NFE2L1: variants seen among roughly 807,000 people sequenced by gnomAD.
The protein encoded by NFE2L1 is NFE2 like bZIP transcription factor 1, also known as endoplasmic reticulum membrane sensor NFE2L1.
Under a neutral mutation model 61.6 loss-of-function variants are expected in NFE2L1, and 18 were observed. The observed-to-expected ratio is 0.29, with a 90% CI of 0.20 to 0.43. NFE2L1 has a LOEUF of 0.43. NFE2L1 is among the 20% of genes least tolerant of loss of function. The pLI is 1.00. For synonymous variants in NFE2L1, 419 were observed against 402.7 expected (o/e 1.04, Z -0.48); for missense variants, 827 against 973.5 (o/e 0.85, Z 2.00).
chr17:48,056,672 C>A, intron 3 of NFE2L1, 74 bp downstream of exon 3: 1 of 1,542,394 alleles, frequency 6.5e-7, no homozygotes, highest in Non-Finnish European at 8.8e-7. Context: ...GGAGTTCTTC[C>A]AGAAACTTCC....
intron 3 of NFE2L1, among the ~76,000 whole-genome samples, 176 bp downstream of exon 3, chr17:48,056,774 G>A (rs941096441): frequency 6.6e-6 from 1 of 152,224 alleles, no homozygotes; most frequent in African/African-American, 2.4e-5. Context: ...TGGAAGGGGG[G>A]AGTGGAAAGC....
At chr17:48,050,006 G>C (rs911206790) in intron 1 of NFE2L1, among the ~76,000 whole-genome samples, 8 of 152,168 alleles carry the variant, frequency 5.3e-5, no homozygotes, top group Admixed American at 4.6e-4. Flanking sequence ...AAGATATTTT[G>C]GATGACCTGG....
At chr17:48,054,624 C>A (rs2037343926) in intron 2 of NFE2L1, 1 of 1,236,724 alleles carries the variant, frequency 8.1e-7, no homozygotes, top group Non-Finnish European at 1.0e-6. Context: ...GGATTGGCTC[C>A]CTGCTGCAGC....
chr17:48,057,626 G>T, intron 5 of NFE2L1, 124 bp downstream of exon 5: 1 of 1,280,812 alleles, frequency 7.8e-7, no homozygotes, highest in South Asian at 1.5e-5. Context: ...GAGAAGTGGG[G>T]ACAATGAGAA....
chr17:48,051,411 C>G lies in NFE2L1; in HGVS notation c.293C>G (p.Thr98Ser). ...CTGGACAGGTTCCAGGTGCCAACCA[C>G]TGAGGTAAATGCCTGGCTGGTTCAC... ...RALDRFQVPT[T>S]EVNAWLVHRD... The change falls in exon 2 of 6, where the codon ACT becomes AGT. Residue 98 changes from threonine (T) to serine (S), a missense_variant. Thr to Ser is a moderately conservative substitution (Grantham distance 58, BLOSUM62 1). This residue lies in a region of NFE2L1 where 667 missense variants were observed against 748.4 expected (regional missense o/e 0.89). Coordinates refer to ENST00000362042, the MANE Select transcript of NFE2L1 (RefSeq NM_003204.3). 6.2e-7 allele frequency: 1 copy of G among 1,614,216 alleles called. No homozygotes were observed. Among genetic ancestry groups the G allele is most frequent in the East Asian group, 2.2e-5 (1 of 44,882 alleles).
In NFE2L1 at chr17:48,056,422, A is replaced by G; in HGVS notation, c.547A>G (p.Ile183Val). Reference sequence around the variant, plus strand: ...GATTGACATCCTTTGGCGACAGGATATTGATCTGGGGGCTGGGCGTGAGGT... The same window carrying G: ...GATTGACATCCTTTGGCGACAGGATGTTGATCTGGGGGCTGGGCGTGAGGT... The part of the protein sequence containing the change: ...DLIDILWRQD[I>V]DLGAGREVFD... The change falls in exon 3 of 6, where the codon ATT (isoleucine) becomes GTT (valine). Residue 183 changes from isoleucine (I) to valine (V), a missense_variant. Around this residue, in one of 3 missense-constraint regions of NFE2L1, gnomAD observed 667 missense variants for 748.4 expected, o/e 0.89. Transcript: ENST00000362042. 6.2e-7 allele frequency: 1 copy of G among 1,614,156 alleles called. No individual in the cohort carries two copies. The highest frequency in any genetic ancestry group is 1.1e-5 in the South Asian group (1 of 91,078).
Position 48,059,290 on chromosome 17 carries a change from A to T in NFE2L1, c.1968A>T (p.Arg656=), listed in dbSNP as rs372179075. The T allele has an allele frequency of 6.2e-7, 1 of 1,614,196 alleles. No homozygotes were observed. Among genetic ancestry groups the T allele is most frequent in the Non-Finnish European group, 8.5e-7 (1 of 1,180,040 alleles). ...QLSEAQLSLI[R]DIRRRGKNKM... ...GTGAAGCCCAGCTGAGCCTCATCCG[A>T]GACATCCGGCGCCGGGGCAAGAACA... The change falls in exon 6 of 6, where the codon CGA becomes CGT. Residue 656 remains arginine, a synonymous_variant. Transcript: ENST00000362042. The surrounding 1 kb of genome is among the most constrained non-coding windows in gnomAD (Gnocchi z 6.1).
intron 5 of NFE2L1, among the ~76,000 whole-genome samples, chr17:48,058,045 A>G (rs1598291936): frequency 3.3e-5 from 5 of 152,134 alleles, no homozygotes; most frequent in Admixed American, 3.3e-4. Flanking sequence ...TCCCTCCAAG[A>G]TGGGGGAGTC....
At chr17:48,057,568 C>G in intron 5 of NFE2L1, 66 bp downstream of exon 5, 1 of 1,536,594 alleles carries the variant, frequency 6.5e-7, no homozygotes, top group Non-Finnish European at 8.8e-7. Context: ...CACTCAGTTG[C>G]TTTTCCATCT....
chr17:48,060,885 A>G lies in NFE2L1; in HGVS notation c.*1244A>G, dbSNP rs924323955. 1 of 152,646 alleles carries G rather than the reference A, an allele frequency of 6.6e-6. No homozygotes were observed. The highest frequency in any genetic ancestry group is 2.4e-5 in the African/African-American group (1 of 41,446). 9.5% of individuals were successfully genotyped at this position (152,646 alleles called of 1,614,324 possible). ...GGGTCTAGAATGCTTGTGTTGAGTAAAAAGGAGATGCCCAATATTCAAAGC... is the reference window on the plus strand; with the variant it reads ...GGGTCTAGAATGCTTGTGTTGAGTAGAAAGGAGATGCCCAATATTCAAAGC... On this transcript the variant is annotated 3_prime_UTR_variant, in exon 6 of 6. Coordinates refer to ENST00000362042, the MANE Select transcript of NFE2L1 (RefSeq NM_003204.3).
rs1026609315 is a variant in NFE2L1, at chr17:48,050,786, G to C, written c.-333G>C. 1 of 552,822 alleles carries C rather than the reference G, an allele frequency of 1.8e-6. No homozygotes were observed. The highest frequency in any genetic ancestry group is 1.9e-5 in the African/African-American group (1 of 53,376). 34.2% of individuals were successfully genotyped at this position (552,822 alleles called of 1,614,324 possible). On this transcript the variant is annotated 5_prime_UTR_variant, in exon 2 of 6. Transcript: ENST00000362042. ...TCTACAGAGAGGACAACTAATGTGAGTGAGGAAGTGACTGTATGTGGACTG... is the reference window on the plus strand; with the variant it reads ...TCTACAGAGAGGACAACTAATGTGACTGAGGAAGTGACTGTATGTGGACTG...
rs1047719414 is a variant in NFE2L1, at chr17:48,056,463, C to T, written c.588C>T (p.His196=). ...GAGREVFDYS[H]RQKEQDVEKE... is the part of the protein sequence containing the mutation. Reference sequence around the variant, plus strand: ...GGCGTGAGGTTTTTGACTATAGTCACCGCCAGAAGGAGCAGGATGTGGAGA... The same window carrying T: ...GGCGTGAGGTTTTTGACTATAGTCATCGCCAGAAGGAGCAGGATGTGGAGA... The change falls in exon 3 of 6, where the codon CAC becomes CAT. Residue 196 remains histidine (H), a synonymous_variant. Transcript: ENST00000362042. The T allele has an allele frequency of 1.9e-6, 3 of 1,614,208 alleles. No individual in the cohort carries two copies. Among genetic ancestry groups the T allele is most frequent in the East Asian group, 2.2e-5 (1 of 44,894 alleles).
chr17:48,056,635 C>A, intron 3 of NFE2L1, 37 bp downstream of exon 3: 1 of 1,602,364 alleles, frequency 6.2e-7, no homozygotes, highest in Non-Finnish European at 8.5e-7. Context: ...CTCTTCTTGT[C>A]CCTACTACCC....
chr17:48,059,990 G>T lies in NFE2L1; in HGVS notation c.*349G>T, dbSNP rs1294886147. ...CCTGTGAGAGGAAGGGAAGGTGGCA[G>T]AAAGTCTCATTTCAGGAAGGAGGGA... is the stretch of plus-strand genomic sequence containing the variant. On this transcript the variant is annotated 3_prime_UTR_variant, in exon 6 of 6. Coordinates refer to ENST00000362042, the MANE Select transcript of NFE2L1 (RefSeq NM_003204.3). This position sits in a 1 kb window ranked among gnomAD's most constrained non-coding sequence, Gnocchi z 6.1. 6 of 150,960 alleles carry T rather than the reference G, an allele frequency of 4.0e-5. No homozygotes were observed. Among genetic ancestry groups the T allele is most frequent in the Non-Finnish European group, 6.3e-5 (5 of 79,988 alleles). The allele number at this position is 150,960 out of a possible 1,614,324, so 9.4% of individuals were successfully genotyped here.
Position 48,058,722 on chromosome 17 carries a change from C to A in NFE2L1, c.1400C>A (p.Ser467Tyr). Residue 467 changes from serine to tyrosine, a missense_variant, in exon 6 of 6, where the codon TCC (serine) becomes TAC (tyrosine). Ser to Tyr is a moderately radical substitution (Grantham distance 144). This residue lies in a region of NFE2L1 where 667 missense variants were observed against 748.4 expected (regional missense o/e 0.89). Coordinates refer to ENST00000362042, the MANE Select transcript of NFE2L1 (RefSeq NM_003204.3). The stretch of plus-strand genomic sequence containing the variant: ...GAAGGCTTTAACCCTGTGCAGGCCT[C>A]CCAGCTGGAGGAGGAATTTGACTCT... ...IEEGFNPVQA[S>Y]QLEEEFDSDS... The A allele has an allele frequency of 1.2e-6, 2 of 1,614,196 alleles. No homozygotes were observed. The highest frequency in any genetic ancestry group is 1.7e-6 in the Non-Finnish European group (2 of 1,180,034).
Position 48,060,450 on chromosome 17 carries a change from T to A in NFE2L1, c.*809T>A, listed in dbSNP as rs1477714951. The A allele has an allele frequency of 6.5e-6, 1 of 153,046 alleles. No homozygotes were observed. The highest frequency in any genetic ancestry group is 1.5e-5 in the Non-Finnish European group (1 of 68,218). The allele number at this position is 153,046 out of a possible 1,614,324, so 9.5% of individuals were successfully genotyped here. On this transcript the variant is annotated 3_prime_UTR_variant, in exon 6 of 6. Transcript: ENST00000362042. ...CTTGCCACTCCATCTCCCTCCGTGC[T>A]CCAGCCACCCCTGAGCTGAGGCTCC...
chr17:48,056,633 G>T (rs748673574), intron 3 of NFE2L1, 35 bp downstream of exon 3: 69 of 1,607,206 alleles, frequency 4.3e-5, no homozygotes, highest in Middle Eastern at 2.2e-4. Context: ...CTCTCTTCTT[G>T]TCCCTACTAC....
In NFE2L1 at chr17:48,051,637, A is replaced by G. The variant is rs1055519622; in HGVS notation, c.510+9A>G. ...GAGACTTAACCAAAGAGGTTAGTGG[A>G]CCTGTGGTGGGTGTGTGGGGCCTGG... On this transcript the variant is annotated intron_variant, in intron 2 of 5. Coordinates refer to ENST00000362042, the MANE Select transcript of NFE2L1 (RefSeq NM_003204.3). The G allele has an allele frequency of 1.2e-6, 2 of 1,603,612 alleles. No homozygotes were observed.
chr17:48,057,976 G>A (rs2037446014), intron 5 of NFE2L1, among the ~76,000 whole-genome samples: 2 of 152,210 alleles, frequency 1.3e-5, no homozygotes, highest in South Asian at 4.1e-4. Flanking sequence ...TCTGACTTAA[G>A]TCTGGGTGTT....
Sources: allele counts gnomAD v4.1 joint callset (sites outside exome capture counted in the v4.1 genomes callset), GRCh38; gene constraint gnomAD v4.1.1; regional missense constraint gnomAD v4.1.1; non-coding constraint Gnocchi (gnomAD v3.1); transcripts MANE v1.5; gene names NCBI Gene and HGNC (gene_info 2026-07-23, HGNC 2026-07-21).